DENND4C: variants seen among roughly 807,000 people sequenced by gnomAD.
DENND4C encodes the protein DENN domain-containing protein 4C.
A neutral mutation model predicts 203.0 loss-of-function variants in DENND4C; 108 were observed. That is an observed-to-expected ratio of 0.53 (90% CI 0.46 to 0.62). The LOEUF (loss-of-function observed/expected upper bound fraction) is 0.62. Ranked by LOEUF, DENND4C falls within the 20% of genes least tolerant of loss-of-function variation. The pLI, the probability that DENND4C is intolerant of heterozygous loss-of-function variation, is 0.00. For synonymous variants in DENND4C, 871 were observed against 792.4 expected (o/e 1.10, Z -1.67); for missense variants, 2,481 against 2,301.2 (o/e 1.08, Z -1.60).
intron 1 of DENND4C, among the ~76,000 whole-genome samples, chr9:19,237,640 G>A (rs1328867980): frequency 1.3e-5 from 2 of 152,098 alleles, no homozygotes; most frequent in Non-Finnish European, 2.9e-5. Flanking sequence ...TACAGGCGTA[G>A]CCATCGCACC....
intron 10 of DENND4C, among the ~76,000 whole-genome samples, chr9:19,309,572 CTT>C (rs902264006): frequency 6.6e-6 from 1 of 150,762 alleles, no homozygotes; most frequent in Non-Finnish European, 1.5e-5. Flanking sequence ...TGGTATGAGA[CTT>C]TTTTTTTGGC....
intron 15 of DENND4C, among the ~76,000 whole-genome samples, chr9:19,327,223 T>A (rs1248427793): frequency 6.6e-6 from 1 of 152,082 alleles, no homozygotes; most frequent in African/African-American, 2.4e-5. Context: ...AGGCGCTATA[T>A]TCTGGAAGAA....
intron 17 of DENND4C, among the ~76,000 whole-genome samples, chr9:19,333,288 TTA>T (rs1819698249): frequency 6.6e-6 from 1 of 152,140 alleles, no homozygotes; most frequent in Non-Finnish European, 1.5e-5. Flanking sequence ...AGTGCCAAGA[TTA>T]TAAATATGAG....
chr9:19,270,074 G>T (rs1055562294), intron 1 of DENND4C, among the ~76,000 whole-genome samples: 11 of 152,116 alleles, frequency 7.2e-5, no homozygotes, highest in Non-Finnish European at 1.6e-4. Context: ...TGGATTACCA[G>T]GCACAGTCTC....
chr9:19,318,447 A>G (rs1173861264), intron 12 of DENND4C, among the ~76,000 whole-genome samples: 1 of 152,244 alleles, frequency 6.6e-6, no homozygotes, highest in Non-Finnish European at 1.5e-5. Flanking sequence ...TGCTAGTACA[A>G]GTACTTTAAA....
intron 4 of DENND4C, 26 bp downstream of exon 4, chr9:19,288,691 C>T (rs1588849073): frequency 1.7e-6 from 2 of 1,196,104 alleles, no homozygotes; most frequent in African/African-American, 3.1e-5. Flanking sequence ...AAAATTGTCT[C>T]AATTGCTATA....
chr9:19,333,201 G>A (rs550989398), intron 17 of DENND4C, among the ~76,000 whole-genome samples: 2 of 151,406 alleles, frequency 1.3e-5, no homozygotes, highest in Non-Finnish European at 2.9e-5. Flanking sequence ...ATTTTTTGTA[G>A]AGATGGGGTC....
intron 1 of DENND4C, among the ~76,000 whole-genome samples, chr9:19,261,626 C>G (rs1376054977): frequency 6.6e-6 from 1 of 151,838 alleles, no homozygotes; most frequent in Non-Finnish European, 1.5e-5. Context: ...CCTCAGCCTC[C>G]TCAGTACCTG....
At position 19,325,920 on chromosome 9, in the gene DENND4C, C is replaced by T; in HGVS notation, c.1954-19C>T. 6.3e-7 allele frequency: 1 copy of T among 1,590,906 alleles called. No individual in the cohort carries two copies. The highest frequency in any genetic ancestry group is 1.1e-5 in the South Asian group (1 of 87,594). On this transcript the variant is annotated intron_variant, in intron 13 of 32. Coordinates refer to ENST00000434457, the MANE Select transcript of DENND4C (RefSeq NM_001330640.2). The stretch of plus-strand genomic sequence containing the variant: ...CATAGTGGACATTTTCATTAAGAAT[C>T]TGTTTTCTTTTTTTCTAGTTGTTTC...
intron 16 of DENND4C, 56 bp downstream of exon 16, chr9:19,328,218 G>A: frequency 6.8e-7 from 1 of 1,472,658 alleles, no homozygotes. Context: ...ATGTATATGT[G>A]ATATGCAGCT....
chr9:19,336,872 C>T (rs1448649360), intron 20 of DENND4C, 40 bp downstream of exon 20: 24 of 1,513,526 alleles, frequency 1.6e-5, no homozygotes, highest in Non-Finnish European at 2.0e-5. Flanking sequence ...CACTTACTCT[C>T]ATGTTAAATC....
intron 1 of DENND4C, among the ~76,000 whole-genome samples, chr9:19,235,584 A>T (rs1821746129): frequency 2.1e-5 from 3 of 145,748 alleles, no homozygotes; most frequent in South Asian, 2.2e-4. Flanking sequence ...CAGATTTATT[A>T]TCTGTTGGTT....
At chr9:19,370,708 G>T (rs1295573259) in intron 31 of DENND4C, among the ~76,000 whole-genome samples, 1 of 152,192 alleles carries the variant, frequency 6.6e-6, no homozygotes, top group African/African-American at 2.4e-5. Context: ...AACTACAAAG[G>T]ATATGGAGTT....
intron 9 of DENND4C, 29 bp from the exon 10 acceptor site, chr9:19,305,323 T>C (rs746784015): frequency 1.3e-6 from 2 of 1,567,788 alleles, no homozygotes; most frequent in Admixed American, 3.8e-5. Context: ...ATTTAAAATT[T>C]GGTTAATTTT....
At chr9:19,328,653 GTCTGTCTATCTA>G (rs1554636589) in intron 16 of DENND4C, among the ~76,000 whole-genome samples, 11,470 of 84,036 alleles carry the variant, frequency 0.14, 650 homozygotes, top group Middle Eastern at 0.29. Context: ...CTGTCTGTCT[GTCTGTCTATCTA>G]TCTATCTATC....
chr9:19,276,654 C>G (rs1243825722), intron 2 of DENND4C, 175 bp downstream of exon 2: 4 of 404,030 alleles, frequency 9.9e-6, no homozygotes, highest in Admixed American at 4.5e-5. Context: ...CAGTATCCAC[C>G]CTTACTGAAT....
intron 14 of DENND4C, 41 bp from the exon 15 acceptor site, chr9:19,326,022 TG>T: frequency 6.2e-7 from 1 of 1,608,340 alleles, no homozygotes; most frequent in East Asian, 2.2e-5. Context: ...AATTAGATCT[TG>T]TTTGTATGCA....
At chr9:19,268,610 A>T (rs143851839) in intron 1 of DENND4C, among the ~76,000 whole-genome samples, 35 of 152,236 alleles carry the variant, frequency 2.3e-4, no homozygotes, top group Admixed American at 1.3e-4. Flanking sequence ...TTCCTGTAGG[A>T]CAGGTCTGGT....
At position 19,230,785 on chromosome 9, in the gene DENND4C, C is replaced by G. The variant is rs1236330249; in HGVS notation, c.-66C>G. On this transcript the variant is annotated 5_prime_UTR_variant, in exon 1 of 33. Coordinates refer to ENST00000434457, the MANE Select transcript of DENND4C (RefSeq NM_001330640.2). Reference sequence around the variant, plus strand: ...TCCGCGAATCCGGTGCTTTCTTGCCCCAGGAAGAAGCCGTGTCGGGGCTGC... The same window carrying G: ...TCCGCGAATCCGGTGCTTTCTTGCCGCAGGAAGAAGCCGTGTCGGGGCTGC... 1 of 152,458 alleles carries G rather than the reference C, an allele frequency of 6.6e-6. No individual in the cohort carries two copies. The highest frequency in any genetic ancestry group is 2.4e-5 in the African/African-American group (1 of 41,480). The allele number at this position is 152,458 out of a possible 1,614,324, so 9.4% of individuals were successfully genotyped here.
Sources: gnomAD v4.1 joint callset for allele counts (sites outside exome capture counted in the v4.1 genomes callset) on GRCh38, gnomAD v4.1.1 for gene constraint, MANE v1.5 for transcripts, NCBI Gene and HGNC (gene_info 2026-07-23, HGNC 2026-07-21) for gene names.